The following CTNNA2 variants were observed in gnomAD, a reference collection of about 807,000 sequenced individuals.
CTNNA2 encodes the protein catenin alpha-2.
CTNNA2 carries 42 observed loss-of-function variants against 101.0 expected under a neutral mutation model. That is an observed-to-expected ratio of 0.42 (90% CI 0.32 to 0.54). CTNNA2 has a LOEUF of 0.54. Ranked by LOEUF, CTNNA2 falls within the 20% of genes least tolerant of loss-of-function variation. The probability of loss-of-function intolerance (pLI) is 0.14; values close to 1 mark genes in which losing one functional copy is unlikely to be tolerated. For missense variants in CTNNA2, 871 were observed against 1,223.1 expected (o/e 0.71, Z 4.29); for synonymous variants, 450 against 456.4 (o/e 0.99, Z 0.18).
intron 1 of CTNNA2, among the ~76,000 whole-genome samples, chr2:79,630,395 G>T (rs536256453): frequency 6.6e-6 from 1 of 152,126 alleles, no homozygotes; most frequent in Admixed American, 6.5e-5. Flanking sequence ...AGAGAATTGG[G>T]CAGGAAAATT....
intron 17 of CTNNA2, among the ~76,000 whole-genome samples, chr2:80,615,719 C>T (rs1377385660): frequency 6.6e-6 from 1 of 151,596 alleles, no homozygotes; most frequent in African/African-American, 2.4e-5. Flanking sequence ...ATTATTTTGT[C>T]AAGTGCTTTT....
intron 7 of CTNNA2, among the ~76,000 whole-genome samples, chr2:79,934,651 G>A (rs1395742924): frequency 6.6e-6 from 1 of 152,188 alleles, no homozygotes; most frequent in African/African-American, 2.4e-5. Context: ...TGCCTCTTCT[G>A]TGATGAAAGC....
Position 79,460,067 on chromosome 2 carries a change from A to G in CTNNA2, c.-134-44987A>G, listed in dbSNP as rs574559652. Among the ~76,000 whole-genome samples the G allele has an allele frequency of 2.0e-5, 3 of 152,220 alleles. No individual in the cohort carries two copies. In the East Asian group the frequency reaches 5.8e-4, roughly 29 times the overall value. On this transcript the variant is annotated intron_variant, in intron 4 of 21. Coordinates refer to the CTNNA2 transcript ENST00000466387. ...TTCTTTTGTCATCTTTCCAGGTAGTAATATACTGATGACCTCAGAATCTGT... is the reference window on the plus strand; with the variant it reads ...TTCTTTTGTCATCTTTCCAGGTAGTGATATACTGATGACCTCAGAATCTGT...
intron 7 of CTNNA2, among the ~76,000 whole-genome samples, chr2:80,255,511 T>C (rs1047774932): frequency 1.3e-5 from 2 of 152,164 alleles, no homozygotes; most frequent in Non-Finnish European, 2.9e-5. Flanking sequence ...TCAAATAGAT[T>C]TGTGAGCCTT....
chr2:80,505,327 C>T (rs1226264177), intron 9 of CTNNA2, among the ~76,000 whole-genome samples: 1 of 152,196 alleles, frequency 6.6e-6, no homozygotes, highest in Non-Finnish European at 1.5e-5. Context: ...TGCCTAAAGG[C>T]ATTTCTCTTC....
At chr2:79,785,372 C>G (rs997632960) in intron 3 of CTNNA2, among the ~76,000 whole-genome samples, 1 of 152,190 alleles carries the variant, frequency 6.6e-6, no homozygotes, top group Non-Finnish European at 1.5e-5. Flanking sequence ...CTTTCATCCT[C>G]GGGACATTTC....
intron 7 of CTNNA2, among the ~76,000 whole-genome samples, chr2:80,353,853 T>C (rs997143039): frequency 3.3e-5 from 5 of 152,142 alleles, no homozygotes; most frequent in African/African-American, 1.2e-4. Flanking sequence ...CTTAGTGGCT[T>C]GAATTAATAC....
rs1405177149 is a variant in CTNNA2, at chr2:80,648,688, TAGA to T, written c.*817_*819del. The T allele has an allele frequency of 2.0e-5, 3 of 152,156 alleles. No homozygotes were observed. Among genetic ancestry groups the T allele is most frequent in the Non-Finnish European group, 4.4e-5 (3 of 68,014 alleles). The allele number at this position is 152,156 out of a possible 1,614,324, so 9.4% of individuals were successfully genotyped here. A position where few individuals can be genotyped will look rare whatever the true frequency, so the allele number is the denominator to read the frequency against. ...AAGGAAACTGACAACGTGTGAAAGT[TAGA>T]GGCAAATACATAGGTGTAGCTTGGA... On this transcript the variant is annotated 3_prime_UTR_variant, in exon 19 of 19. Coordinates refer to ENST00000402739, the MANE Select transcript of CTNNA2 (RefSeq NM_001282597.3).
At chr2:79,484,068 C>T (rs2104558548) in intron 4 of CTNNA2, among the ~76,000 whole-genome samples, 1 of 152,060 alleles carries the variant, frequency 6.6e-6, no homozygotes, top group East Asian at 1.9e-4. Flanking sequence ...CGAGGCAAAA[C>T]CCTATCTCTA....
intron 7 of CTNNA2, among the ~76,000 whole-genome samples, chr2:80,101,110 T>C (rs1700516000): frequency 6.6e-6 from 1 of 152,212 alleles, no homozygotes. Context: ...AAATGTTGTC[T>C]TTTTACTTTT....
At chr2:79,346,813 C>T (rs1177475279) in intron 3 of CTNNA2, among the ~76,000 whole-genome samples, 1 of 152,200 alleles carries the variant, frequency 6.6e-6, no homozygotes, top group African/African-American at 2.4e-5. Context: ...ACCTCTCATG[C>T]TCCCTTTGGC....
intron 1 of CTNNA2, among the ~76,000 whole-genome samples, chr2:79,536,860 C>A (rs1673106829): frequency 1.3e-5 from 2 of 151,978 alleles, no homozygotes; most frequent in South Asian, 4.2e-4. Flanking sequence ...TGCTGCCATG[C>A]CCAGCTAACT....
chr2:80,327,585 T>C (rs1670925617), intron 7 of CTNNA2, among the ~76,000 whole-genome samples: 1 of 152,088 alleles, frequency 6.6e-6, no homozygotes, highest in South Asian at 2.1e-4. Flanking sequence ...ATTATTACTG[T>C]CATCATGTGA....
chr2:80,606,075 C>G (rs575522059), intron 16 of CTNNA2, among the ~76,000 whole-genome samples: 23 of 151,860 alleles, frequency 1.5e-4, no homozygotes, highest in African/African-American at 5.5e-4. Context: ...AGGCCACATT[C>G]TTTTTCTGCA....
chr2:79,901,218 T>C (rs1029557142), intron 6 of CTNNA2, among the ~76,000 whole-genome samples: 3 of 152,072 alleles, frequency 2.0e-5, no homozygotes, highest in African/African-American at 7.2e-5. Context: ...TTCAGTTTTT[T>C]TTTTTTTTAA....
intron 2 of CTNNA2, among the ~76,000 whole-genome samples, chr2:79,204,826 G>A (rs1416313296): frequency 3.3e-5 from 5 of 152,156 alleles, no homozygotes; most frequent in Admixed American, 1.3e-4. Flanking sequence ...GCAGAAGAGA[G>A]GAAACCCACC....
chr2:79,488,582 T>C (rs1357607699), intron 4 of CTNNA2, among the ~76,000 whole-genome samples: 1 of 152,204 alleles, frequency 6.6e-6, no homozygotes. Flanking sequence ...GCTGTTAGGC[T>C]GGTATACCAG....
chr2:80,567,467 G>C (rs1397090022), intron 12 of CTNNA2, among the ~76,000 whole-genome samples: 1 of 152,150 alleles, frequency 6.6e-6, no homozygotes, highest in Non-Finnish European at 1.5e-5. Flanking sequence ...ATGCCAGTCA[G>C]AGTCCCCTTT....
At chr2:79,850,287 C>G (rs1228938336) in intron 3 of CTNNA2, among the ~76,000 whole-genome samples, 10 of 111,670 alleles carry the variant, frequency 9.0e-5, no homozygotes, top group Non-Finnish European at 1.6e-4. Flanking sequence ...TTTTCTCCTT[C>G]CTCCCTCCCT....
Sources: gnomAD v4.1 joint callset for allele counts (sites outside exome capture counted in the v4.1 genomes callset) on GRCh38, gnomAD v4.1.1 for gene constraint, MANE v1.5 for transcripts, NCBI Gene and HGNC (gene_info 2026-07-23, HGNC 2026-07-21) for gene names.